CFAP95: variants seen among roughly 807,000 people sequenced by gnomAD.
The protein encoded by CFAP95 is cilia and flagella associated protein 95.
At chr9:69,837,494 T>G in the CFAP95 span, among the ~76,000 whole-genome samples, 1 of 152,228 alleles carries the variant, frequency 6.6e-6, no homozygotes, top group African/African-American at 2.4e-5. Context: ...ATGATGAGCA[T>G]TTTTTCACGT....
the CFAP95 span, among the ~76,000 whole-genome samples, chr9:69,847,622 C>T: frequency 1.5e-4 from 23 of 152,270 alleles, no homozygotes; most frequent in Non-Finnish European, 2.9e-4. Flanking sequence ...GCTTTGATTT[C>T]TTACATCTTA....
At chr9:69,843,574 T>G in the CFAP95 span, among the ~76,000 whole-genome samples, 1 of 33,142 alleles carries the variant, frequency 3.0e-5, no homozygotes, top group African/African-American at 2.0e-4. Context: ...CTTCTTCTTC[T>G]TCTTCTTCTT....
chr9:69,829,828 C>G, the CFAP95 span, among the ~76,000 whole-genome samples: 1,384 of 152,282 alleles, frequency 9.1e-3, 20 homozygotes, highest in African/African-American at 0.032. Flanking sequence ...GGCACTAGAA[C>G]TAGTATTGTT....
the CFAP95 span, among the ~76,000 whole-genome samples, chr9:69,861,069 A>G: frequency 6.6e-6 from 1 of 152,228 alleles, no homozygotes; most frequent in East Asian, 1.9e-4. Flanking sequence ...GTTATCAAGT[A>G]TCATTATATA....
chr9:69,861,605 A>G, the CFAP95 span, among the ~76,000 whole-genome samples: 1 of 152,122 alleles, frequency 6.6e-6, no homozygotes, highest in East Asian at 1.9e-4. Flanking sequence ...CTCTCCCCAC[A>G]GGCCTTTGCT....
At chr9:69,901,186 G>A in the CFAP95 span, among the ~76,000 whole-genome samples, 1 of 150,586 alleles carries the variant, frequency 6.6e-6, no homozygotes, top group Non-Finnish European at 1.5e-5. Flanking sequence ...CGCCCAGGCT[G>A]GAGTGCAGTG....
chr9:69,831,982 G>GA, the CFAP95 span, among the ~76,000 whole-genome samples: 5 of 152,178 alleles, frequency 3.3e-5, no homozygotes, highest in Non-Finnish European at 7.3e-5. Context: ...CCAGATGGGT[G>GA]AAAACAGCAG....
chr9:69,895,369 C>CTCTGTGTGTGTG, the CFAP95 span, among the ~76,000 whole-genome samples: 588 of 107,866 alleles, frequency 5.5e-3, 3 homozygotes, highest in South Asian at 0.013. Flanking sequence ...CTCTCTCTCT[C>CTCTGTGTGTGTG]TGTGTGTGTG....
chr9:69,892,406 C>T, the CFAP95 span, among the ~76,000 whole-genome samples: 1 of 152,136 alleles, frequency 6.6e-6, no homozygotes, highest in Non-Finnish European at 1.5e-5. Flanking sequence ...TGCATCTTCG[C>T]TAAAAGTCAA....
the CFAP95 span, among the ~76,000 whole-genome samples, chr9:69,857,615 C>G: frequency 3.9e-5 from 6 of 152,272 alleles, no homozygotes; most frequent in Non-Finnish European, 7.4e-5. Flanking sequence ...ACCTCTGCCT[C>G]TCAGGTTCAA....
the CFAP95 span, among the ~76,000 whole-genome samples, chr9:69,824,406 G>T: frequency 7.4e-5 from 10 of 135,332 alleles, no homozygotes; most frequent in Non-Finnish European, 1.6e-5. Flanking sequence ...GTGGTCATTT[G>T]TAGACATTCT....
the CFAP95 span, among the ~76,000 whole-genome samples, chr9:69,826,512 G>C: frequency 1.3e-5 from 2 of 152,178 alleles, no homozygotes; most frequent in African/African-American, 4.8e-5. Context: ...AAAAAGTAAG[G>C]ACCCTTGGTA....
the CFAP95 span, among the ~76,000 whole-genome samples, chr9:69,845,008 G>A: frequency 6.6e-6 from 1 of 152,178 alleles, no homozygotes; most frequent in Non-Finnish European, 1.5e-5. Flanking sequence ...AGGGGAAAGA[G>A]GCTCTTAAAG....
At chr9:69,867,593 C>T in the CFAP95 span, among the ~76,000 whole-genome samples, 76 of 152,338 alleles carry the variant, frequency 5.0e-4, no homozygotes, top group African/African-American at 1.7e-3. Flanking sequence ...TGCCTGCCCT[C>T]TGCAGCTGGG....
the CFAP95 span, among the ~76,000 whole-genome samples, chr9:69,903,747 G>A: frequency 1.3e-5 from 2 of 152,126 alleles, no homozygotes; most frequent in East Asian, 1.9e-4. Context: ...TTTTTTTTGA[G>A]ACAGGGTCTT....
the CFAP95 span, chr9:69,844,577 A>C: frequency 4.3e-5 from 69 of 1,613,604 alleles, no homozygotes; most frequent in South Asian, 6.9e-4. Flanking sequence ...AGAAAGTTAA[A>C]AAACTGTGTA....
At chr9:69,835,251 T>C in the CFAP95 span, among the ~76,000 whole-genome samples, 1 of 152,238 alleles carries the variant, frequency 6.6e-6, no homozygotes, top group African/African-American at 2.4e-5. Flanking sequence ...TCCTGCCATC[T>C]GGAGTCTTAA....
At chr9:69,858,353 C>T in the CFAP95 span, among the ~76,000 whole-genome samples, 2 of 152,166 alleles carry the variant, frequency 1.3e-5, no homozygotes, top group Admixed American at 6.5e-5. Context: ...CAGGGTGATG[C>T]CCTGCCTTCT....
At chr9:69,833,792 A>G in the CFAP95 span, among the ~76,000 whole-genome samples, 1 of 152,126 alleles carries the variant, frequency 6.6e-6, no homozygotes, top group Non-Finnish European at 1.5e-5. Flanking sequence ...TTCTAGGAGG[A>G]AAGGGAAAAA....
Sources: gnomAD v4.1 joint callset for allele counts (sites outside exome capture counted in the v4.1 genomes callset) on GRCh38, gnomAD v4.1.1 for gene constraint, MANE v1.5 for transcripts, NCBI Gene and HGNC (gene_info 2026-07-23, HGNC 2026-07-21) for gene names.